Variants in ZMYM4 observed in about 807,000 individuals in gnomAD.
ZMYM4 encodes zinc finger MYM-type protein 4.
ZMYM4 carries 31 observed loss-of-function variants against 183.2 expected under a neutral mutation model. The observed-to-expected ratio is 0.17, with a 90% CI of 0.13 to 0.23. The LOEUF (loss-of-function observed/expected upper bound fraction) is 0.23. Ranked by LOEUF, ZMYM4 falls within the 10% of genes least tolerant of loss-of-function variation. The pLI, the probability that ZMYM4 is intolerant of heterozygous loss-of-function variation, is 1.00. For synonymous variants in ZMYM4, 592 were observed against 631.2 expected (o/e 0.94, Z 0.93); for missense variants, 1,273 against 1,840.3 (o/e 0.69, Z 5.64).
At chr1:35,378,722 T>C (rs533059018) in intron 7 of ZMYM4, among the ~76,000 whole-genome samples, 30 of 152,354 alleles carry the variant, frequency 2.0e-4, no homozygotes, top group African/African-American at 7.0e-4. Flanking sequence ...TCTCTCTGGC[T>C]GTGAAAGTCC....
Position 35,398,807 on chromosome 1 carries a change from C to T in ZMYM4, c.3254-57C>T, listed in dbSNP as rs918821345. 5 of 1,572,660 alleles carry T rather than the reference C, an allele frequency of 3.2e-6. No individual in the cohort carries two copies. The African/African-American group carries it at 6.8e-5, about 21-fold the overall frequency. Reference sequence around the variant, plus strand: ...TTAGGGGTTCAGGAAGTTTTCCGAGCATGTCAAGATGAGGCTATTTTATTT... The same window carrying T: ...TTAGGGGTTCAGGAAGTTTTCCGAGTATGTCAAGATGAGGCTATTTTATTT... On this transcript the variant is annotated intron_variant, in intron 21 of 29. Coordinates refer to ENST00000314607, the MANE Select transcript of ZMYM4 (RefSeq NM_005095.3).
intron 7 of ZMYM4, among the ~76,000 whole-genome samples, chr1:35,372,772 T>G (rs978167572): frequency 2.0e-5 from 3 of 152,224 alleles, no homozygotes. Flanking sequence ...CAATGAGCAT[T>G]TCCTTTAAAC....
At chr1:35,278,444 T>A (rs1639980740) in intron 1 of ZMYM4, among the ~76,000 whole-genome samples, 2 of 144,618 alleles carry the variant, frequency 1.4e-5, no homozygotes, top group Non-Finnish European at 3.0e-5. Context: ...TTTTTTTTTT[T>A]AGATGGAATT....
chr1:35,391,240 A>G lies in ZMYM4; in HGVS notation c.2588-972A>G, dbSNP rs190639515. ...CGCAGCGGCTTGAGGGACGTTTTAC[A>G]TGGTCCTGCTGGAGGGGACTGCTTG... is the stretch of plus-strand genomic sequence containing the variant. On this transcript the variant is annotated intron_variant, in intron 15 of 29. Coordinates refer to ENST00000314607, the MANE Select transcript of ZMYM4 (RefSeq NM_005095.3). 3.5e-4 allele frequency among the ~76,000 whole-genome samples: 54 copies of G among 152,298 alleles called. 1 individual carries two copies. The highest frequency in any genetic ancestry group is 1.2e-3 in the African/African-American group (48 of 41,566).
chr1:35,409,275 A>G (rs948155216), intron 26 of ZMYM4, among the ~76,000 whole-genome samples: 6 of 152,102 alleles, frequency 3.9e-5, no homozygotes, highest in Admixed American at 6.5e-5. Context: ...CCTATTTTCA[A>G]TTCTTTTGCC....
intron 1 of ZMYM4, among the ~76,000 whole-genome samples, chr1:35,300,124 A>G (rs887818108): frequency 6.6e-6 from 1 of 152,162 alleles, no homozygotes; most frequent in African/African-American, 2.4e-5. Context: ...TCCATCTGCC[A>G]CATAGAAAAA....
chr1:35,368,992 A>G (rs1644149028), intron 5 of ZMYM4, among the ~76,000 whole-genome samples: 1 of 152,112 alleles, frequency 6.6e-6, no homozygotes. Context: ...TTAATTTTGT[A>G]CCTGAGGCAT....
At chr1:35,312,454 G>A (rs1453939533) in intron 1 of ZMYM4, among the ~76,000 whole-genome samples, 2 of 152,022 alleles carry the variant, frequency 1.3e-5, no homozygotes, top group Admixed American at 1.3e-4. Flanking sequence ...GTGGCATTAA[G>A]TACATTCGCA....
intron 2 of ZMYM4, among the ~76,000 whole-genome samples, chr1:35,346,130 T>C (rs1643382835): frequency 6.6e-6 from 1 of 152,262 alleles, no homozygotes; most frequent in South Asian, 2.1e-4. Flanking sequence ...TTTTTAAGGC[T>C]GAATACTATT....
Position 35,398,762 on chromosome 1 carries a change from C to T in ZMYM4, c.3254-102C>T, listed in dbSNP as rs1373469124. ...TGTACCTAGGTAATTGTCCATCAAC[C>T]GTATCTCATTTTTTGGTATTTAGGG... On this transcript the variant is annotated intron_variant, in intron 21 of 29. Transcript: ENST00000314607. 7.6e-6 allele frequency: 9 copies of T among 1,189,584 alleles called. No homozygotes were observed. The South Asian group carries it at 9.0e-5, about 12-fold the overall frequency. 73.7% of individuals were successfully genotyped at this position (1,189,584 alleles called of 1,614,324 possible).
chr1:35,306,429 G>C (rs1005167415), intron 1 of ZMYM4, among the ~76,000 whole-genome samples: 11 of 152,112 alleles, frequency 7.2e-5, no homozygotes, highest in Admixed American at 5.9e-4. Flanking sequence ...ATTGTTACCA[G>C]TATTCATTTT....
At chr1:35,375,402 A>G (rs1644313423) in intron 7 of ZMYM4, among the ~76,000 whole-genome samples, 1 of 152,218 alleles carries the variant, frequency 6.6e-6, no homozygotes, top group African/African-American at 2.4e-5. Flanking sequence ...AGCTAAATTC[A>G]AAGAAGGTAA....
At chr1:35,354,714 G>A (rs544423908) in intron 2 of ZMYM4, among the ~76,000 whole-genome samples, 2 of 109,378 alleles carry the variant, frequency 1.8e-5, no homozygotes, top group East Asian at 5.6e-4. Context: ...GCGACAGAGT[G>A]AAACTTTGTC....
At chr1:35,324,258 A>G (rs1195237580) in intron 1 of ZMYM4, among the ~76,000 whole-genome samples, 1 of 151,818 alleles carries the variant, frequency 6.6e-6, no homozygotes, top group Non-Finnish European at 1.5e-5. Flanking sequence ...TGTCACATAA[A>G]TTATCTTTTC....
intron 1 of ZMYM4, among the ~76,000 whole-genome samples, chr1:35,303,262 C>G (rs1641373166): frequency 6.8e-6 from 1 of 146,142 alleles, no homozygotes; most frequent in Non-Finnish European, 1.5e-5. Flanking sequence ...GCACTCCAGC[C>G]TGGTGACAGA....
intron 1 of ZMYM4, among the ~76,000 whole-genome samples, chr1:35,302,816 C>G (rs1456482677): frequency 6.6e-6 from 1 of 151,974 alleles, no homozygotes; most frequent in East Asian, 1.9e-4. Flanking sequence ...CTACTGCACC[C>G]AGTCTGGCTT....
intron 6 of ZMYM4, 35 bp from the exon 7 acceptor site, chr1:35,370,337 A>ATT: frequency 7.4e-6 from 8 of 1,077,244 alleles, no homozygotes; most frequent in Admixed American, 3.2e-5. Context: ...TTTTTCTTTC[A>ATT]ATTTTTTTTT....
At chr1:35,407,128 T>C (rs1645016153) in intron 25 of ZMYM4, among the ~76,000 whole-genome samples, 1 of 152,114 alleles carries the variant, frequency 6.6e-6, no homozygotes, top group African/African-American at 2.4e-5. Flanking sequence ...CAAATAAATA[T>C]CAGCTGAAGA....
At position 35,368,065 on chromosome 1, in the gene ZMYM4, C is replaced by CG. The variant is rs1193275430; in HGVS notation, c.841-1964_841-1963insG. On this transcript the variant is annotated intron_variant, in intron 5 of 29. Transcript: ENST00000314607. The stretch of plus-strand genomic sequence containing the variant: ...CAGTGGTGGGCCAAATCCAGCGCCC[C>CG]CCCCCCACCCATTTTTTTTGTTTTT... 2.5e-5 allele frequency among the ~76,000 whole-genome samples: 3 copies of CG among 122,076 alleles called. No homozygotes were observed. In the East Asian group the frequency reaches 9.1e-4, roughly 37 times the overall value. 80.1% of individuals were successfully genotyped at this position (122,076 alleles called of 152,430 possible). A position where few individuals can be genotyped will look rare whatever the true frequency, so the allele number is the denominator to read the frequency against.
Sources: allele counts gnomAD v4.1 joint callset (sites outside exome capture counted in the v4.1 genomes callset), GRCh38; gene constraint gnomAD v4.1.1; transcripts MANE v1.5; gene names NCBI Gene and HGNC (gene_info 2026-07-23, HGNC 2026-07-21).